ENOX1: variants seen among roughly 807,000 people sequenced by gnomAD.
The protein encoded by ENOX1 is ecto-NOX disulfide-thiol exchanger 1.
A neutral mutation model predicts 82.5 loss-of-function variants in ENOX1; 42 were observed. The observed-to-expected ratio is 0.51, with a 90% CI of 0.40 to 0.66. ENOX1 has a LOEUF of 0.66. Ranked by LOEUF, ENOX1 falls within the 30% of genes least tolerant of loss-of-function variation. The pLI is 0.00. For missense variants in ENOX1, 608 were observed against 811.6 expected (o/e 0.75, Z 3.05); for synonymous variants, 271 against 282.2 (o/e 0.96, Z 0.40).
chr13:43,626,553 C>T (rs1360111615), intron 2 of ENOX1, among the ~76,000 whole-genome samples: 1 of 151,646 alleles, frequency 6.6e-6, no homozygotes, highest in Non-Finnish European at 1.5e-5. Context: ...ATACTCTGAC[C>T]CACGCATTGA....
intron 9 of ENOX1, among the ~76,000 whole-genome samples, chr13:43,338,911 T>A (rs1195390640): frequency 6.6e-6 from 1 of 152,124 alleles, no homozygotes; most frequent in Non-Finnish European, 1.5e-5. Context: ...GGTCTCGATC[T>A]CCTGACCTCG....
intron 2 of ENOX1, among the ~76,000 whole-genome samples, chr13:43,532,974 C>T (rs1193026492): frequency 6.6e-6 from 1 of 151,538 alleles, no homozygotes; most frequent in East Asian, 1.9e-4. Context: ...TTTTGAAGCC[C>T]CAAATAATTT....
intron 15 of ENOX1, among the ~76,000 whole-genome samples, chr13:43,229,224 G>A (rs2042165668): frequency 6.6e-6 from 1 of 152,170 alleles, no homozygotes; most frequent in Non-Finnish European, 1.5e-5. Context: ...GGAACTGTAA[G>A]TCCATTAAAC....
chr13:43,220,611 C>T (rs538733484), intron 16 of ENOX1, among the ~76,000 whole-genome samples: 5 of 152,302 alleles, frequency 3.3e-5, no homozygotes, highest in African/African-American at 1.2e-4. Flanking sequence ...TCCCAGCATT[C>T]ATTAGGTCCC....
chr13:43,676,926 C>T lies in ENOX1; in HGVS notation c.-284-9382G>A, dbSNP rs368279979. On this transcript the variant is annotated intron_variant, in intron 1 of 16. Transcript: ENST00000690772. ...TCTTGCCAATACTTTCACAAAGATA[C>T]ACAGTAATATGCTCTCAGCACACAC... is the stretch of plus-strand genomic sequence containing the variant. Among the ~76,000 whole-genome samples the T allele has an allele frequency of 9.9e-5, 15 of 152,084 alleles. No individual in the cohort carries two copies. In the South Asian group the frequency reaches 2.5e-3, roughly 25 times the overall value.
chr13:43,765,674 A>G (rs915749037), intron 1 of ENOX1, among the ~76,000 whole-genome samples: 2 of 152,196 alleles, frequency 1.3e-5, no homozygotes, highest in African/African-American at 4.8e-5. Context: ...GTAAACACTT[A>G]CGAAATAAAC....
intron 1 of ENOX1, among the ~76,000 whole-genome samples, chr13:43,695,442 ATTTTTTTTTTTT>A (rs146985894): frequency 1.1e-5 from 1 of 94,676 alleles, no homozygotes; most frequent in African/African-American, 3.9e-5. Flanking sequence ...AAAAAATCTA[ATTTTTTTTTTTT>A]TTTTTTTTTT....
intron 5 of ENOX1, among the ~76,000 whole-genome samples, chr13:43,390,626 A>G (rs1334759986): frequency 6.6e-6 from 1 of 152,124 alleles, no homozygotes; most frequent in Non-Finnish European, 1.5e-5. Flanking sequence ...TACTTTTTAT[A>G]TTATCCCCTG....
At chr13:43,337,526 T>C (rs2048784371) in intron 9 of ENOX1, among the ~76,000 whole-genome samples, 1 of 152,152 alleles carries the variant, frequency 6.6e-6, no homozygotes, top group Non-Finnish European at 1.5e-5. Context: ...AGAAGTGGAC[T>C]TCAATTTTGG....
intron 1 of ENOX1, among the ~76,000 whole-genome samples, chr13:43,756,658 T>C (rs1350141949): frequency 6.6e-6 from 1 of 152,166 alleles, no homozygotes; most frequent in Non-Finnish European, 1.5e-5. Flanking sequence ...CTTATTCCTC[T>C]CTTTTATCTC....
At chr13:43,462,373 C>A (rs976284386) in intron 3 of ENOX1, among the ~76,000 whole-genome samples, 1 of 152,110 alleles carries the variant, frequency 6.6e-6, no homozygotes, top group African/African-American at 2.4e-5. Flanking sequence ...ACTAAATGCC[C>A]ATTAATAGTC....
At chr13:43,765,449 T>C (rs79411275) in intron 1 of ENOX1, among the ~76,000 whole-genome samples, 2,182 of 152,182 alleles carry the variant, frequency 0.014, 51 homozygotes, top group African/African-American at 0.048. Flanking sequence ...TTAGTTCCCT[T>C]GTCTATGAAA....
At chr13:43,543,698 A>G (rs1226900860) in intron 2 of ENOX1, among the ~76,000 whole-genome samples, 1 of 148,996 alleles carries the variant, frequency 6.7e-6, no homozygotes, top group Non-Finnish European at 1.5e-5. Context: ...CTGACTTTTC[A>G]GAAATCCTGT....
intron 13 of ENOX1, among the ~76,000 whole-genome samples, chr13:43,265,851 C>T (rs1020472440): frequency 2.0e-5 from 3 of 152,138 alleles, no homozygotes; most frequent in Admixed American, 6.6e-5. Context: ...AACGATTATT[C>T]GTGAATGATG....
At chr13:43,514,398 T>C (rs1238177765) in intron 2 of ENOX1, among the ~76,000 whole-genome samples, 1 of 152,176 alleles carries the variant, frequency 6.6e-6, no homozygotes, top group Admixed American at 6.5e-5. Context: ...TTATAAAATG[T>C]CTTTCCTCTC....
rs2041291804 is a variant in ENOX1, at chr13:43,213,538, CTTTTTCTTTTTTTTTTTTTTTTTTT to C, written c.*427_*451del. 6.1e-5 allele frequency: 6 copies of C among 97,872 alleles called. No individual in the cohort carries two copies. Among genetic ancestry groups the C allele is most frequent in the Non-Finnish European group, 1.3e-4 (6 of 47,520 alleles). 6.1% of individuals were successfully genotyped at this position (97,872 alleles called of 1,614,324 possible). ...TTTTCTTTTTTCTTTTTTTCTTTTT[CTTTTTCTTTTTTTTTTTTTTTTTTT>C]TTTTACTAAAACAGAAAGACTTTCA... On this transcript the variant is annotated 3_prime_UTR_variant, in exon 17 of 17. Transcript: ENST00000690772.
At chr13:43,688,729 G>A (rs118131176) in intron 1 of ENOX1, among the ~76,000 whole-genome samples, 2,077 of 151,876 alleles carry the variant, frequency 0.014, 37 homozygotes, top group South Asian at 0.029. Flanking sequence ...GTTGTCCGGG[G>A]CTACTATTTG....
intron 2 of ENOX1, among the ~76,000 whole-genome samples, chr13:43,521,294 G>A (rs533543725): frequency 5.3e-5 from 8 of 152,198 alleles, no homozygotes; most frequent in Non-Finnish European, 8.8e-5. Context: ...TTAGACCAAT[G>A]AGATAGCCAC....
At chr13:43,417,009 G>A (rs914859729) in intron 3 of ENOX1, among the ~76,000 whole-genome samples, 1 of 152,236 alleles carries the variant, frequency 6.6e-6, no homozygotes, top group Non-Finnish European at 1.5e-5. Flanking sequence ...AAGAGCTGGA[G>A]ACCAGCCCGG....
Sources: allele counts gnomAD v4.1 joint callset (sites outside exome capture counted in the v4.1 genomes callset), GRCh38; gene constraint gnomAD v4.1.1; transcripts MANE v1.5; gene names NCBI Gene and HGNC (gene_info 2026-07-23, HGNC 2026-07-21).